Variants in CATSPERT observed in about 807,000 individuals in gnomAD.
CATSPERT encodes cation channel sperm-associated targeting subunit tau.
the CATSPERT span, chr2:201,491,781 C>A: frequency 6.5e-7 from 1 of 1,536,940 alleles, no homozygotes; most frequent in African/African-American, 1.4e-5. Flanking sequence ...TTTTCAGTGT[C>A]TTTTCACACC....
the CATSPERT span, among the ~76,000 whole-genome samples, chr2:201,515,062 T>C: frequency 1.3e-5 from 2 of 152,016 alleles, no homozygotes; most frequent in Non-Finnish European, 2.9e-5. Flanking sequence ...CAAAGCATGC[T>C]AAATAAAGGA....
At chr2:201,529,150 T>C in the CATSPERT span, among the ~76,000 whole-genome samples, 1 of 152,166 alleles carries the variant, frequency 6.6e-6, no homozygotes, top group Admixed American at 6.5e-5. Context: ...TAAGAATTAA[T>C]ATTTTTAAAA....
chr2:201,553,623 A>G, the CATSPERT span: 5 of 152,186 alleles, frequency 3.3e-5, no homozygotes, highest in African/African-American at 7.2e-5. Flanking sequence ...TGAAGTTCCT[A>G]TTCTTTTAGT....
the CATSPERT span, chr2:201,537,576 A>G: frequency 1.0e-6 from 1 of 981,254 alleles, no homozygotes; most frequent in Non-Finnish European, 1.5e-6. Flanking sequence ...TTTTCTCACT[A>G]AAAACAAAGA....
the CATSPERT span, among the ~76,000 whole-genome samples, chr2:201,608,784 T>C: frequency 3.1e-4 from 43 of 139,400 alleles, no homozygotes; most frequent in African/African-American, 9.6e-4. Flanking sequence ...GCCACTACAC[T>C]CCAGCCTCTG....
At chr2:201,588,512 G>A in the CATSPERT span, among the ~76,000 whole-genome samples, 1 of 147,968 alleles carries the variant, frequency 6.8e-6, no homozygotes, top group Non-Finnish European at 1.5e-5. Context: ...TAATAAGAAA[G>A]ATATTATTAT....
the CATSPERT span, among the ~76,000 whole-genome samples, chr2:201,558,743 C>T: frequency 6.6e-6 from 1 of 152,186 alleles, no homozygotes; most frequent in East Asian, 1.9e-4. Context: ...CCCCCAGATC[C>T]ACCTCTGTGA....
the CATSPERT span, among the ~76,000 whole-genome samples, chr2:201,595,936 C>T: frequency 1.4e-5 from 2 of 139,146 alleles, no homozygotes; most frequent in Admixed American, 7.4e-5. Flanking sequence ...CAGATGCTGA[C>T]GAAGTTGCAG....
chr2:201,492,074 A>C, the CATSPERT span: 2 of 1,529,910 alleles, frequency 1.3e-6, no homozygotes, highest in African/African-American at 1.4e-5. Context: ...TTTCCCTTTA[A>C]ATTCTGTAAG....
the CATSPERT span, among the ~76,000 whole-genome samples, chr2:201,560,453 TAATAATAATAATAATAAC>T: frequency 9.3e-4 from 37 of 39,936 alleles, 1 homozygote; most frequent in South Asian, 8.7e-3. Context: ...ATAATAATAA[TAATAATAATAATAATAAC>T]AACAACAACA....
At chr2:201,575,240 T>C in the CATSPERT span, 1 of 1,497,140 alleles carries the variant, frequency 6.7e-7, no homozygotes, top group Non-Finnish European at 9.1e-7. Context: ...AAGAATATAT[T>C]ACATGCACAT....
the CATSPERT span, among the ~76,000 whole-genome samples, chr2:201,576,800 G>C: frequency 2.0e-5 from 3 of 152,154 alleles, no homozygotes; most frequent in African/African-American, 4.8e-5. Context: ...AACATGCATG[G>C]GCCTGGTTAC....
the CATSPERT span, among the ~76,000 whole-genome samples, chr2:201,616,271 C>G: frequency 6.6e-6 from 1 of 152,190 alleles, no homozygotes; most frequent in African/African-American, 2.4e-5. Flanking sequence ...GAATTTTAGA[C>G]CAATATCCCT....
the CATSPERT span, among the ~76,000 whole-genome samples, chr2:201,598,664 C>A: frequency 6.6e-6 from 1 of 152,064 alleles, no homozygotes; most frequent in East Asian, 1.9e-4. Context: ...TCACTGCAAA[C>A]TCTGTCTCTC....
At chr2:201,591,770 G>A in the CATSPERT span, among the ~76,000 whole-genome samples, 1 of 151,948 alleles carries the variant, frequency 6.6e-6, no homozygotes, top group African/African-American at 2.4e-5. Flanking sequence ...GTTCACTCAT[G>A]ATTTGGCTCT....
the CATSPERT span, chr2:201,571,894 TA>T: frequency 6.5e-7 from 1 of 1,541,636 alleles, no homozygotes; most frequent in Non-Finnish European, 8.9e-7. Flanking sequence ...AAAATTGTTT[TA>T]AGTGCCACAT....
chr2:201,494,273 A>G, the CATSPERT span: 1 of 1,536,886 alleles, frequency 6.5e-7, no homozygotes, highest in Non-Finnish European at 8.7e-7. Context: ...TTAGAAAATA[A>G]TTTGTCTGAA....
the CATSPERT span, among the ~76,000 whole-genome samples, chr2:201,590,725 T>C: frequency 6.6e-6 from 1 of 152,238 alleles, no homozygotes; most frequent in African/African-American, 2.4e-5. Flanking sequence ...TTTGCATTTC[T>C]CTGATGGCCA....
chr2:201,557,368 T>C, the CATSPERT span: 2 of 152,202 alleles, frequency 1.3e-5, no homozygotes, highest in Admixed American at 6.5e-5. Flanking sequence ...GATGCAAGTA[T>C]AGCATCCCTC....
Sources: allele counts gnomAD v4.1 joint callset (sites outside exome capture counted in the v4.1 genomes callset), GRCh38; gene constraint gnomAD v4.1.1; transcripts MANE v1.5; gene names NCBI Gene and HGNC (gene_info 2026-07-23, HGNC 2026-07-21).